The following VAPA variants were observed in gnomAD, a reference collection of about 807,000 sequenced individuals.
VAPA encodes vesicle-associated membrane protein-associated protein A.
A neutral mutation model predicts 25.6 loss-of-function variants in VAPA; 6 were observed. The observed-to-expected ratio is 0.23, with a 90% CI of 0.13 to 0.46. The LOEUF (loss-of-function observed/expected upper bound fraction) is 0.46, where lower values mean the gene tolerates loss of function less well. Ranked by LOEUF, VAPA falls within the 20% of genes least tolerant of loss-of-function variation. VAPA has a pLI of 0.99. For missense variants in VAPA, 244 were observed against 302.1 expected (o/e 0.81, Z 1.43); for synonymous variants, 112 against 106.2 (o/e 1.05, Z -0.34).
intron 1 of VAPA, among the ~76,000 whole-genome samples, chr18:9,923,537 A>G (rs988388991): frequency 2.6e-5 from 4 of 152,200 alleles, no homozygotes; most frequent in Admixed American, 1.3e-4. Flanking sequence ...TGTGAAGTGT[A>G]TATGAATATG....
intron 5 of VAPA, among the ~76,000 whole-genome samples, chr18:9,953,322 C>T (rs1284247479): frequency 1.3e-5 from 2 of 152,206 alleles, no homozygotes; most frequent in African/African-American, 4.8e-5. Flanking sequence ...TAAGGGTTTC[C>T]TATGTACATT....
intron 4 of VAPA, among the ~76,000 whole-genome samples, chr18:9,942,807 GGATGGTGCTAAACCATTCAT>G (rs1471183068): frequency 1.3e-5 from 2 of 152,106 alleles, no homozygotes; most frequent in Non-Finnish European, 2.9e-5. Context: ...AGTGTCATGG[GGATGGTGCTAAACCATTCAT>G]GAAGGACCCA....
At chr18:9,919,562 G>A (rs926413477) in intron 1 of VAPA, among the ~76,000 whole-genome samples, 1 of 152,232 alleles carries the variant, frequency 6.6e-6, no homozygotes, top group Non-Finnish European at 1.5e-5. Flanking sequence ...GGCTGTCACA[G>A]TTGAACTAAG....
Position 9,959,747 on chromosome 18 carries a change from A to AAAAAG in VAPA, c.*5536_*5537insAAAAG, listed in dbSNP as rs2069587021. 2 of 138,180 alleles carry AAAAAG rather than the reference A, an allele frequency of 1.4e-5. No individual in the cohort carries two copies. Among genetic ancestry groups the AAAAAG allele is most frequent in the Admixed American group, 7.4e-5 (1 of 13,432 alleles). 8.6% of individuals were successfully genotyped at this position (138,180 alleles called of 1,614,324 possible). ...AAAAAAAAAAAAAAAAAAAAAAAAA[A>AAAAAG]TGTGGAGGGTTGAAATGGTAAGGAA... is the stretch of plus-strand genomic sequence containing the variant. On this transcript the variant is annotated 3_prime_UTR_variant, in exon 6 of 6. Coordinates refer to ENST00000400000, the MANE Select transcript of VAPA (RefSeq NM_194434.3).
At chr18:9,947,805 C>T (rs1033035379) in intron 4 of VAPA, 1 of 152,056 alleles carries the variant, frequency 6.6e-6, no homozygotes, top group African/African-American at 2.4e-5. Flanking sequence ...TAAAGTTACA[C>T]CTGCTTAATT....
At chr18:9,928,643 T>C (rs1448450788) in intron 1 of VAPA, among the ~76,000 whole-genome samples, 2 of 152,192 alleles carry the variant, frequency 1.3e-5, no homozygotes, top group Non-Finnish European at 2.9e-5. Flanking sequence ...ATGAAATGCA[T>C]ATATAAAATG....
intron 1 of VAPA, among the ~76,000 whole-genome samples, chr18:9,923,608 G>A (rs1442896856): frequency 1.1e-5 from 1 of 89,588 alleles, no homozygotes; most frequent in Non-Finnish European, 2.2e-5. Context: ...TAAAGACATA[G>A]GGTGCCTTTA....
At chr18:9,917,078 A>G (rs996178410) in intron 1 of VAPA, among the ~76,000 whole-genome samples, 1 of 152,244 alleles carries the variant, frequency 6.6e-6, no homozygotes, top group Non-Finnish European at 1.5e-5. Context: ...TGCATTTACG[A>G]TGTAATGAAT....
intron 2 of VAPA, among the ~76,000 whole-genome samples, chr18:9,933,368 A>C (rs1599105557): frequency 6.6e-6 from 1 of 152,232 alleles, no homozygotes; most frequent in East Asian, 1.9e-4. Flanking sequence ...TGTTTTAGTG[A>C]GTCTTGCGGT....
chr18:9,926,375 A>T (rs1343571072), intron 1 of VAPA, among the ~76,000 whole-genome samples: 2 of 152,132 alleles, frequency 1.3e-5, no homozygotes. Flanking sequence ...TGTGTATTTG[A>T]GCAGAGCACC....
rs2069560818 is a variant in VAPA, at chr18:9,957,203, T to C, written c.*2992T>C. On this transcript the variant is annotated 3_prime_UTR_variant, in exon 6 of 6. Coordinates refer to ENST00000400000, the MANE Select transcript of VAPA (RefSeq NM_194434.3). The stretch of plus-strand genomic sequence containing the variant: ...TGAGCCAACAAGCCCGGCTAATTTT[T>C]GTATTTTTAGTAGAGACAAGGTTTC... 1 of 152,088 alleles carries C rather than the reference T, an allele frequency of 6.6e-6. No individual in the cohort carries two copies. Among genetic ancestry groups the C allele is most frequent in the Non-Finnish European group, 1.5e-5 (1 of 68,024 alleles). 9.4% of individuals were successfully genotyped at this position (152,088 alleles called of 1,614,324 possible). A position where few individuals can be genotyped will look rare whatever the true frequency, so the allele number is the denominator to read the frequency against.
chr18:9,925,744 T>C (rs1453411689), intron 1 of VAPA, among the ~76,000 whole-genome samples: 1 of 152,140 alleles, frequency 6.6e-6, no homozygotes, highest in African/African-American at 2.4e-5. Flanking sequence ...ATGTAAAATA[T>C]TTTTTGAGTG....
chr18:9,917,453 G>T (rs2069121267), intron 1 of VAPA, among the ~76,000 whole-genome samples: 1 of 152,094 alleles, frequency 6.6e-6, no homozygotes, highest in African/African-American at 2.4e-5. Flanking sequence ...ACCATGCCCA[G>T]CTAATTTTGA....
chr18:9,938,598 C>T (rs1396157752), intron 4 of VAPA, among the ~76,000 whole-genome samples: 1 of 152,122 alleles, frequency 6.6e-6, no homozygotes, highest in African/African-American at 2.4e-5. Context: ...TAGTTTGAGC[C>T]TGGAACCTTT....
chr18:9,953,784 T>C (rs1450993527), intron 5 of VAPA, among the ~76,000 whole-genome samples: 2 of 152,212 alleles, frequency 1.3e-5, no homozygotes, highest in Non-Finnish European at 2.9e-5. Flanking sequence ...ATCAGTGTTA[T>C]TGAGGTATAA....
intron 1 of VAPA, among the ~76,000 whole-genome samples, chr18:9,927,213 A>T (rs544079238): frequency 9.7e-4 from 148 of 152,270 alleles, no homozygotes; most frequent in Middle Eastern, 6.8e-3. Flanking sequence ...GGGCAGATAG[A>T]TATGCTGCAA....
At chr18:9,930,500 A>G (rs575523937) in intron 1 of VAPA, among the ~76,000 whole-genome samples, 3 of 152,252 alleles carry the variant, frequency 2.0e-5, no homozygotes, top group Non-Finnish European at 4.4e-5. Context: ...TGAAATGGAC[A>G]CATTGGAGTT....
In VAPA at chr18:9,931,795, T is replaced by G. The variant is rs768517266; in HGVS notation, c.80-15T>G. The stretch of plus-strand genomic sequence containing the variant: ...AATTAAATTTTGTTTTCTCTTTAAT[T>G]TTTAAACTTTACAGGCCCCTTCACA... On this transcript the variant is annotated splice_polypyrimidine_tract_variant and intron_variant, in intron 1 of 5. Coordinates refer to ENST00000400000, the MANE Select transcript of VAPA (RefSeq NM_194434.3). 3 of 1,583,922 alleles carry G rather than the reference T, an allele frequency of 1.9e-6. No individual in the cohort carries two copies. Among genetic ancestry groups the G allele is most frequent in the Non-Finnish European group, 2.6e-6 (3 of 1,168,502 alleles).
At chr18:9,948,350 A>C (rs1467667968) in intron 4 of VAPA, 2 of 152,196 alleles carry the variant, frequency 1.3e-5, no homozygotes, top group Non-Finnish European at 2.9e-5. Flanking sequence ...TGAAATGTTT[A>C]ATTTTGGCAA....
Sources: gnomAD v4.1 joint callset for allele counts (sites outside exome capture counted in the v4.1 genomes callset) on GRCh38, gnomAD v4.1.1 for gene constraint, MANE v1.5 for transcripts, NCBI Gene and HGNC (gene_info 2026-07-23, HGNC 2026-07-21) for gene names.